The following PTPRD variants were observed in gnomAD, a reference collection of about 807,000 sequenced individuals.
The protein encoded by PTPRD is protein tyrosine phosphatase receptor type D.
A neutral mutation model predicts 214.5 loss-of-function variants in PTPRD; 34 were observed. That is an observed-to-expected ratio of 0.16 (90% confidence interval 0.12 to 0.21). PTPRD has a LOEUF of 0.21. PTPRD is among the 10% of genes least tolerant of loss of function. PTPRD has a pLI of 1.00. For synonymous variants in PTPRD, 1,128 were observed against 845.7 expected, an observed-to-expected ratio of 1.33 and a Z score of -5.79; for missense variants, 2,545 against 2,398.7, an observed-to-expected ratio of 1.06 and a Z score of -1.27.
At chr9:9,826,311 G>C (rs190758286) in intron 5 of PTPRD, among the ~76,000 whole-genome samples, 1 of 151,486 alleles carries the variant, frequency 6.6e-6, no homozygotes, top group Admixed American at 6.6e-5. Context: ...TCTTTCCTGA[G>C]CTCCATCAGC....
Position 8,552,640 on chromosome 9 carries a change from T to C in PTPRD, c.353-23861A>G, listed in dbSNP as rs545196740. On this transcript the variant is annotated intron_variant, in intron 14 of 45. Coordinates refer to ENST00000381196, the MANE Select transcript of PTPRD (RefSeq NM_002839.4). ...AGGTAGGCAGCATAATGGCTGGGAC[T>C]GAATATGGATGATGACCCTTCTCTG... Among the ~76,000 whole-genome samples, 89 of 152,206 alleles carry C rather than the reference T, an allele frequency of 5.8e-4. No homozygotes were observed. In the Middle Eastern group the frequency reaches 0.017, roughly 29 times the overall value.
chr9:10,346,656 C>G (rs2097089451), intron 2 of PTPRD, among the ~76,000 whole-genome samples: 1 of 152,094 alleles, frequency 6.6e-6, no homozygotes, highest in Non-Finnish European at 1.5e-5. Context: ...ACCTCAGATT[C>G]GAGTTGTAGA....
At chr9:10,430,015 A>G (rs914286864) in intron 2 of PTPRD, among the ~76,000 whole-genome samples, 1 of 151,894 alleles carries the variant, frequency 6.6e-6, no homozygotes, top group African/African-American at 2.4e-5. Context: ...ACTAATTCCT[A>G]TATTTGGTAC....
At chr9:8,998,825 G>T (rs1043077333) in intron 11 of PTPRD, among the ~76,000 whole-genome samples, 1 of 152,004 alleles carries the variant, frequency 6.6e-6, no homozygotes, top group African/African-American at 2.4e-5. Context: ...AACATTAATA[G>T]TTTGAAAGTT....
At chr9:8,877,823 G>A (rs887518224) in intron 11 of PTPRD, among the ~76,000 whole-genome samples, 1 of 152,120 alleles carries the variant, frequency 6.6e-6, no homozygotes, top group East Asian at 1.9e-4. Context: ...ATAAACAAGT[G>A]TCTGAGGCTC....
chr9:10,011,473 A>G (rs1463767176), intron 4 of PTPRD, among the ~76,000 whole-genome samples: 5 of 152,008 alleles, frequency 3.3e-5, no homozygotes, highest in South Asian at 2.1e-4. Flanking sequence ...TGTCGAATGC[A>G]TAAGTATCTT....
intron 8 of PTPRD, among the ~76,000 whole-genome samples, chr9:9,565,947 T>TA (rs1249840024): frequency 6.6e-6 from 1 of 152,010 alleles, no homozygotes; most frequent in Non-Finnish European, 1.5e-5. Flanking sequence ...TTCATTTTTT[T>TA]ACTCTCTAAC....
intron 8 of PTPRD, among the ~76,000 whole-genome samples, chr9:9,413,335 C>G (rs2076085624): frequency 6.7e-6 from 1 of 150,034 alleles, no homozygotes; most frequent in Non-Finnish European, 1.5e-5. Context: ...AGGATGGTCT[C>G]GATCTCCTGA....
At chr9:8,454,604 A>T in intron 33 of PTPRD, 1 of 1,612,538 alleles carries the variant, frequency 6.2e-7, no homozygotes, top group Middle Eastern at 1.6e-4. Context: ...GCTCCATTTT[A>T]ATGCAGCAAA....
At chr9:8,884,900 T>TA (rs1489624915) in intron 11 of PTPRD, among the ~76,000 whole-genome samples, 2 of 152,098 alleles carry the variant, frequency 1.3e-5, no homozygotes, top group Non-Finnish European at 2.9e-5. Flanking sequence ...TATAGAAATA[T>TA]ATCAAGTCTC....
intron 7 of PTPRD, among the ~76,000 whole-genome samples, chr9:9,724,269 T>C (rs374521063): frequency 6.6e-6 from 1 of 152,168 alleles, no homozygotes; most frequent in African/African-American, 2.4e-5. Context: ...TTGAGATATA[T>C]CTTTTATCTT....
intron 11 of PTPRD, among the ~76,000 whole-genome samples, chr9:8,939,380 TACAG>T (rs1436046955): frequency 2.0e-5 from 3 of 151,296 alleles, no homozygotes; most frequent in African/African-American, 4.9e-5. Flanking sequence ...ACATAAAACA[TACAG>T]ACAGACAGAT....
At chr9:9,899,741 T>A (rs1487289420) in intron 5 of PTPRD, among the ~76,000 whole-genome samples, 3 of 151,980 alleles carry the variant, frequency 2.0e-5, no homozygotes, top group East Asian at 1.9e-4. Flanking sequence ...GGAAGAGATA[T>A]CTGCACTTCC....
At chr9:9,912,298 G>A (rs566942507) in intron 5 of PTPRD, among the ~76,000 whole-genome samples, 78 of 152,130 alleles carry the variant, frequency 5.1e-4, no homozygotes, top group Non-Finnish European at 1.0e-3. Context: ...GTTCTGAGTT[G>A]GAATATACAA....
intron 9 of PTPRD, among the ~76,000 whole-genome samples, chr9:9,253,807 T>A (rs561829520): frequency 9.9e-5 from 15 of 152,238 alleles, no homozygotes; most frequent in African/African-American, 3.1e-4. Flanking sequence ...ACAAACTTGG[T>A]AAGTTAAAAC....
At chr9:9,223,085 A>C (rs1435503708) in intron 9 of PTPRD, among the ~76,000 whole-genome samples, 1 of 152,062 alleles carries the variant, frequency 6.6e-6, no homozygotes, top group African/African-American at 2.4e-5. Flanking sequence ...TATGAGAAAC[A>C]TAAAGAAAAC....
intron 8 of PTPRD, among the ~76,000 whole-genome samples, chr9:9,433,993 T>C (rs2084211032): frequency 6.6e-6 from 1 of 152,164 alleles, no homozygotes; most frequent in Admixed American, 6.6e-5. Flanking sequence ...ATCATTAAAA[T>C]AATTTGCCTA....
intron 11 of PTPRD, among the ~76,000 whole-genome samples, chr9:8,969,489 A>G (rs1484970628): frequency 1.3e-5 from 2 of 152,232 alleles, no homozygotes; most frequent in East Asian, 1.9e-4. Flanking sequence ...TAATAGTTTC[A>G]TATTATACAA....
intron 33 of PTPRD, among the ~76,000 whole-genome samples, chr9:8,458,146 A>T (rs754013985): frequency 6.6e-6 from 1 of 152,162 alleles, no homozygotes; most frequent in Non-Finnish European, 1.5e-5. Flanking sequence ...CGATGCTTAC[A>T]TAGGCCCACA....
Sources: gnomAD v4.1 joint callset for allele counts (sites outside exome capture counted in the v4.1 genomes callset) on GRCh38, gnomAD v4.1.1 for gene constraint, MANE v1.5 for transcripts, NCBI Gene and HGNC (gene_info 2026-07-23, HGNC 2026-07-21) for gene names.